The following RGS5 variants were observed in gnomAD, a reference collection of about 807,000 sequenced individuals.
RGS5 encodes regulator of G protein signaling 5.
In RGS5, 20 loss-of-function variants were observed where a neutral mutation model predicts 18.9. The observed-to-expected ratio is 1.06, with a 90% confidence interval of 0.74 to 1.54. RGS5 has a LOEUF of 1.54. Ranked by LOEUF, RGS5 falls within the 40% of genes most tolerant of loss-of-function variation. RGS5 has a pLI of 0.00. For missense variants in RGS5, 201 were observed against 211.8 expected, an observed-to-expected ratio of 0.95 and a Z score of 0.32; for synonymous variants, 57 against 76.2, an observed-to-expected ratio of 0.75 and a Z score of 1.31.
chr1:163,264,092 C>A (rs1413019679), intron 2 of RGS5, among the ~76,000 whole-genome samples: 1 of 151,974 alleles, frequency 6.6e-6, no homozygotes, highest in African/African-American at 2.4e-5. Flanking sequence ...AGGGAAAGCA[C>A]CCCTTACCTA....
upstream of RGS5, among the ~76,000 whole-genome samples, chr1:163,222,630 A>G (rs1647252548): frequency 1.3e-5 from 2 of 152,170 alleles, no homozygotes; most frequent in Admixed American, 1.3e-4. Flanking sequence ...AGCTTAGAAG[A>G]ATCTTTACAG....
chr1:163,280,009 A>G (rs777589317), intron 2 of RGS5, among the ~76,000 whole-genome samples: 8 of 152,160 alleles, frequency 5.3e-5, no homozygotes, highest in Non-Finnish European at 1.2e-4. Context: ...TTGAATCAGT[A>G]ATAAAAAATT....
At chr1:163,217,375 C>A in intron 1 of RGS5, 1 of 734,632 alleles carries the variant, frequency 1.4e-6, no homozygotes, top group Non-Finnish European at 2.0e-6. Context: ...AAGACATCAG[C>A]ATTGGCACTT....
chr1:163,183,167 T>C (rs1431849497), intron 1 of RGS5, among the ~76,000 whole-genome samples: 1 of 152,094 alleles, frequency 6.6e-6, no homozygotes, highest in Non-Finnish European at 1.5e-5. Context: ...CTGAGGAAAA[T>C]AACATAACAA....
At chr1:163,180,111 CT>C (rs1658741497) in intron 1 of RGS5, among the ~76,000 whole-genome samples, 1 of 152,164 alleles carries the variant, frequency 6.6e-6, no homozygotes, top group Admixed American at 6.5e-5. Context: ...CAGCCTCCAC[CT>C]CCTGGGCTCA....
At chr1:163,230,573 G>C (rs576012350) in intron 2 of RGS5, among the ~76,000 whole-genome samples, 1 of 152,146 alleles carries the variant, frequency 6.6e-6, no homozygotes, top group South Asian at 2.1e-4. Flanking sequence ...ATTAATGAAG[G>C]CTGTGTCAAC....
At chr1:163,280,769 T>A (rs368834913) in intron 2 of RGS5, among the ~76,000 whole-genome samples, 1 of 151,938 alleles carries the variant, frequency 6.6e-6, no homozygotes, top group Non-Finnish European at 1.5e-5. Flanking sequence ...ATAAAAAAAA[T>A]CCTAAAATTT....
intron 2 of RGS5, among the ~76,000 whole-genome samples, chr1:163,242,510 CAT>C (rs890257325): frequency 6.6e-6 from 1 of 152,086 alleles, no homozygotes; most frequent in Non-Finnish European, 1.5e-5. Context: ...TGAAACACAC[CAT>C]AATCAAATGT....
intron 4 of RGS5, among the ~76,000 whole-genome samples, chr1:163,150,023 C>A (rs188897596): frequency 6.6e-6 from 1 of 152,248 alleles, no homozygotes; most frequent in Non-Finnish European, 1.5e-5. Context: ...TATTTTCATG[C>A]TTTCATCTCA....
intron 1 of RGS5, among the ~76,000 whole-genome samples, chr1:163,307,289 T>C (rs1050271774): frequency 4.6e-5 from 7 of 152,226 alleles, no homozygotes; most frequent in African/African-American, 1.7e-4. Flanking sequence ...CTTATTTTCT[T>C]CTCTGAAATG....
At chr1:163,213,140 T>C (rs1007987475) in intron 1 of RGS5, 9 of 152,194 alleles carry the variant, frequency 5.9e-5, no homozygotes, top group Non-Finnish European at 1.0e-4. Context: ...CAAGCCTCCT[T>C]GGTTTCACAA....
At chr1:163,164,926 G>A (rs1382903558) in intron 2 of RGS5, among the ~76,000 whole-genome samples, 1 of 152,134 alleles carries the variant, frequency 6.6e-6, no homozygotes, top group South Asian at 2.1e-4. Context: ...TCTTAACAAG[G>A]AAAAGAAAAT....
upstream of RGS5, among the ~76,000 whole-genome samples, chr1:163,221,164 T>G (rs1647220756): frequency 6.6e-6 from 1 of 152,190 alleles, no homozygotes; most frequent in East Asian, 1.9e-4. Flanking sequence ...GCCAACTTCT[T>G]TCCTCAGTGT....
At chr1:163,176,621 CAAAAAAAAAAAA>C (rs2102410452) in intron 1 of RGS5, among the ~76,000 whole-genome samples, 1 of 142,064 alleles carries the variant, frequency 7.0e-6, no homozygotes, top group East Asian at 2.0e-4. Flanking sequence ...AACTCAGTCT[CAAAAAAAAAAAA>C]GAAAAGAAAA....
chr1:163,316,345 G>A (rs1650021475), intron 1 of RGS5, among the ~76,000 whole-genome samples: 1 of 152,158 alleles, frequency 6.6e-6, no homozygotes, highest in Non-Finnish European at 1.5e-5. Context: ...GCATAATACA[G>A]TACATAGTTT....
chr1:163,189,757 G>A (rs1659264382), intron 1 of RGS5, among the ~76,000 whole-genome samples: 1 of 152,206 alleles, frequency 6.6e-6, no homozygotes, highest in African/African-American at 2.4e-5. Flanking sequence ...TGACCCCCTT[G>A]TGGGAACCCA....
intron 2 of RGS5, among the ~76,000 whole-genome samples, chr1:163,254,342 T>A (rs1262468499): frequency 6.6e-6 from 1 of 152,108 alleles, no homozygotes; most frequent in East Asian, 1.9e-4. Context: ...TGATTGCCAT[T>A]CTAACTGGTG....
At chr1:163,319,752 G>A (rs927219502) in intron 1 of RGS5, among the ~76,000 whole-genome samples, 4 of 152,178 alleles carry the variant, frequency 2.6e-5, no homozygotes. Flanking sequence ...AAATGAAATA[G>A]TAGGGCAAAT....
rs1263268977 is a variant in RGS5 at position 163,143,166 on chromosome 1, A to C, written c.*4176T>G. On this transcript the variant is annotated 3_prime_UTR_variant, in exon 5 of 5. Transcript: ENST00000313961. The stretch of plus-strand genomic sequence containing the variant: ...AACCTATTTGGTGAAAAGTGTGTTT[A>C]ACACAAACAGTAGCTGCTAAATTGT... The C allele has an allele frequency of 6.6e-6, 1 of 152,234 alleles. No individual in the cohort carries two copies. Among genetic ancestry groups the C allele is most frequent in the African/African-American group, 2.4e-5 (1 of 41,468 alleles). The allele number at this position is 152,234 out of a possible 1,614,324, so 9.4% of individuals were successfully genotyped here.
Sources: allele counts gnomAD v4.1 joint callset (sites outside exome capture counted in the v4.1 genomes callset), GRCh38; gene constraint gnomAD v4.1.1; transcripts MANE v1.5; gene names NCBI Gene and HGNC (gene_info 2026-07-23, HGNC 2026-07-21).